Variants in KCNIP4 observed in about 807,000 individuals in gnomAD.
The protein encoded by KCNIP4 is Kv channel-interacting protein 4.
A neutral mutation model predicts 34.0 loss-of-function variants in KCNIP4; 12 were observed. The ratio of observed to expected loss-of-function variants is 0.35; its 90% CI spans 0.23 to 0.57. The LOEUF is 0.57. KCNIP4 is among the 20% of genes least tolerant of loss of function. KCNIP4 has a pLI of 0.83. For synonymous variants in KCNIP4, 124 were observed against 102.2 expected, an observed-to-expected ratio of 1.21 and a Z score of -1.29; for missense variants, 238 against 311.7, an observed-to-expected ratio of 0.76 and a Z score of 1.78.
At chr4:21,081,725 A>T (rs1408806496) in intron 1 of KCNIP4, among the ~76,000 whole-genome samples, 1 of 151,880 alleles carries the variant, frequency 6.6e-6, no homozygotes, top group Non-Finnish European at 1.5e-5. Context: ...CATATGCATT[A>T]TATGCCAAAT....
intron 1 of KCNIP4, among the ~76,000 whole-genome samples, chr4:21,198,565 T>A (rs1756229756): frequency 6.6e-6 from 1 of 152,236 alleles, no homozygotes; most frequent in Admixed American, 6.5e-5. Context: ...GGCAGTCTCC[T>A]GTATGCAAGT....
chr4:21,886,878 G>A (rs1726796982), intron 1 of KCNIP4, among the ~76,000 whole-genome samples: 1 of 151,856 alleles, frequency 6.6e-6, no homozygotes, highest in African/African-American at 2.4e-5. Flanking sequence ...AGGAAACTAA[G>A]CCATGTATAA....
At chr4:21,818,883 T>C (rs776293873) in intron 1 of KCNIP4, among the ~76,000 whole-genome samples, 1 of 152,134 alleles carries the variant, frequency 6.6e-6, no homozygotes, top group Non-Finnish European at 1.5e-5. Context: ...AAACACTTTT[T>C]TTTCTACAAG....
intron 1 of KCNIP4, among the ~76,000 whole-genome samples, chr4:21,441,626 G>A (rs1448332120): frequency 6.6e-6 from 1 of 152,096 alleles, no homozygotes; most frequent in Non-Finnish European, 1.5e-5. Flanking sequence ...AAAAAATCAA[G>A]AACTACTAAC....
chr4:21,038,197 G>A (rs762403595), intron 1 of KCNIP4, among the ~76,000 whole-genome samples: 15 of 151,996 alleles, frequency 9.9e-5, no homozygotes, highest in Non-Finnish European at 1.8e-4. Flanking sequence ...AGATGGTCTC[G>A]ATCTCCTGAC....
chr4:21,787,571 G>A (rs1476397024), intron 1 of KCNIP4, among the ~76,000 whole-genome samples: 1 of 152,160 alleles, frequency 6.6e-6, no homozygotes, highest in Non-Finnish European at 1.5e-5. Context: ...ATAAGAAGCT[G>A]AAGTTCTAAA....
At chr4:20,972,878 C>G (rs1735110617) in intron 1 of KCNIP4, among the ~76,000 whole-genome samples, 1 of 152,126 alleles carries the variant, frequency 6.6e-6, no homozygotes, top group Non-Finnish European at 1.5e-5. Context: ...AGCAAGATAA[C>G]TAGAATTAGA....
chr4:21,216,002 G>C (rs1757549746), intron 1 of KCNIP4, among the ~76,000 whole-genome samples: 2 of 152,026 alleles, frequency 1.3e-5, no homozygotes, highest in Admixed American at 6.6e-5. Flanking sequence ...TGTTTTCCAG[G>C]CTGGTCTTGA....
intron 1 of KCNIP4, among the ~76,000 whole-genome samples, chr4:21,075,814 C>T (rs1375266324): frequency 3.9e-5 from 6 of 151,994 alleles, no homozygotes; most frequent in Non-Finnish European, 1.5e-5. Flanking sequence ...TTCCTTCAGG[C>T]CTCTTTTAGG....
chr4:21,642,677 A>G (rs1746700044), intron 1 of KCNIP4, among the ~76,000 whole-genome samples: 2 of 152,028 alleles, frequency 1.3e-5, no homozygotes, highest in Non-Finnish European at 1.5e-5. Context: ...CTTCTAGCAG[A>G]AGACACAACA....
chr4:21,517,300 T>A (rs926979835), intron 1 of KCNIP4, among the ~76,000 whole-genome samples: 2 of 151,986 alleles, frequency 1.3e-5, no homozygotes, highest in African/African-American at 4.8e-5. Context: ...GTATGAAGTA[T>A]TTTTCTCCCT....
At chr4:20,752,147 C>T (rs1486795918) in intron 4 of KCNIP4, among the ~76,000 whole-genome samples, 4 of 151,602 alleles carry the variant, frequency 2.6e-5, no homozygotes, top group Admixed American at 1.3e-4. Flanking sequence ...CAGCCTCCAC[C>T]TCCTGGGTTC....
At chr4:21,757,429 G>A (rs979427830) in intron 1 of KCNIP4, among the ~76,000 whole-genome samples, 81 of 152,188 alleles carry the variant, frequency 5.3e-4, no homozygotes, top group African/African-American at 1.9e-3. Flanking sequence ...AAGTATCTAT[G>A]TTCAGATATT....
chr4:21,886,519 G>T lies in KCNIP4; in HGVS notation c.61+62052C>A, dbSNP rs1168636750. ...TTTTTACAGAGGGAGTAAGCGGATGGGTTTCTGCCAGCACCAGGGAGCTAT... is the reference window on the plus strand; with the variant it reads ...TTTTTACAGAGGGAGTAAGCGGATGTGTTTCTGCCAGCACCAGGGAGCTAT... On this transcript the variant is annotated intron_variant, in intron 1 of 8. Coordinates refer to ENST00000382152, the MANE Select transcript of KCNIP4 (RefSeq NM_025221.6). Among the ~76,000 whole-genome samples the T allele has an allele frequency of 2.0e-5, 3 of 152,058 alleles. No individual in the cohort carries two copies. The South Asian group carries it at 6.2e-4, about 31-fold the overall frequency.
chr4:20,769,688 C>T (rs987634484), intron 3 of KCNIP4, among the ~76,000 whole-genome samples: 2 of 152,190 alleles, frequency 1.3e-5, no homozygotes, highest in African/African-American at 4.8e-5. Flanking sequence ...TGCTCAGTCT[C>T]CCACTTAAAC....
chr4:20,909,310 G>A (rs1175854617), intron 1 of KCNIP4, among the ~76,000 whole-genome samples: 2 of 152,122 alleles, frequency 1.3e-5, no homozygotes, highest in Non-Finnish European at 2.9e-5. Flanking sequence ...ATTAGAGTGG[G>A]TGATGTTATA....
At chr4:21,700,689 A>G (rs1712761401) in intron 1 of KCNIP4, among the ~76,000 whole-genome samples, 1 of 152,014 alleles carries the variant, frequency 6.6e-6, no homozygotes, top group Admixed American at 6.6e-5. Context: ...CAATGTCCTG[A>G]AGCTTTTCTC....
At chr4:21,216,941 T>G (rs1757628887) in intron 1 of KCNIP4, among the ~76,000 whole-genome samples, 1 of 152,330 alleles carries the variant, frequency 6.6e-6, no homozygotes, top group South Asian at 2.1e-4. Flanking sequence ...CTGACAAGTT[T>G]CATACTGAAA....
chr4:21,357,302 C>G (rs1718735451), intron 1 of KCNIP4, among the ~76,000 whole-genome samples: 1 of 152,022 alleles, frequency 6.6e-6, no homozygotes. Flanking sequence ...CAACAAAAGC[C>G]AAAATTGACA....
Sources: gnomAD v4.1 joint callset for allele counts (sites outside exome capture counted in the v4.1 genomes callset) on GRCh38, gnomAD v4.1.1 for gene constraint, MANE v1.5 for transcripts, NCBI Gene and HGNC (gene_info 2026-07-23, HGNC 2026-07-21) for gene names.